The following MGAT4A variants were observed in gnomAD, a reference collection of about 807,000 sequenced individuals.
MGAT4A encodes alpha-1,3-mannosyl-glycoprotein 4-beta-N-acetylglucosaminyltransferase A.
In MGAT4A, 33 loss-of-function variants were observed where a neutral mutation model predicts 74.1. The ratio of observed to expected loss-of-function variants is 0.45; its 90% CI spans 0.34 to 0.60. The LOEUF (loss-of-function observed/expected upper bound fraction) is 0.60. Among genes scored for constraint, MGAT4A ranks in the 20% least tolerant of loss-of-function variants. The probability of loss-of-function intolerance (pLI) is 0.02; values close to 1 mark genes in which losing one functional copy is unlikely to be tolerated. For missense variants in MGAT4A, 479 were observed against 628.3 expected (o/e 0.76, Z 2.54); for synonymous variants, 198 against 210.4 (o/e 0.94, Z 0.51).
intron 6 of MGAT4A, among the ~76,000 whole-genome samples, chr2:98,656,896 G>C (rs1366813079): frequency 6.6e-6 from 1 of 152,106 alleles, no homozygotes; most frequent in Non-Finnish European, 1.5e-5. Context: ...AAGAAGCTTT[G>C]CTTGTGGGTT....
chr2:98,635,884 A>C (rs906291778), intron 13 of MGAT4A, among the ~76,000 whole-genome samples: 11 of 151,464 alleles, frequency 7.3e-5, no homozygotes, highest in African/African-American at 2.7e-4. Flanking sequence ...GCTACTCGGG[A>C]GGCTGAGGCA....
chr2:98,700,726 A>T, intron 2 of MGAT4A, among the ~76,000 whole-genome samples: 1 of 152,018 alleles, frequency 6.6e-6, no homozygotes, highest in Non-Finnish European at 1.5e-5. Context: ...CCCCATCTCT[A>T]CTAAAAGTAC....
At chr2:98,653,292 C>A (rs973003329) in intron 8 of MGAT4A, among the ~76,000 whole-genome samples, 4 of 104,154 alleles carry the variant, frequency 3.8e-5, no homozygotes, top group South Asian at 3.0e-4. Context: ...CCAAAATTAG[C>A]AGAAGGGAGA....
In MGAT4A at chr2:98,624,763, C is replaced by A. The variant is rs1308856190; in HGVS notation, c.*803G>T. On this transcript the variant is annotated 3_prime_UTR_variant, in exon 16 of 16. Coordinates refer to ENST00000393487, the MANE Select transcript of MGAT4A (RefSeq NM_012214.3). ...ATCTGGGTTGAATGCATCACACTTA[C>A]ACATTGAAAATTTATCAGACTGACT... is the stretch of plus-strand genomic sequence containing the variant. The A allele has an allele frequency of 1.2e-5, 12 of 983,960 alleles. No individual in the cohort carries two copies. Among genetic ancestry groups the A allele is most frequent in the Non-Finnish European group, 1.2e-5 (10 of 828,334 alleles). 61.0% of individuals were successfully genotyped at this position (983,960 alleles called of 1,614,324 possible).
intron 2 of MGAT4A, among the ~76,000 whole-genome samples, chr2:98,707,109 G>A (rs1271104512): frequency 2.0e-5 from 3 of 152,086 alleles, no homozygotes; most frequent in Admixed American, 6.5e-5. Context: ...CAGCTGCTTG[G>A]AAGGCTGAGG....
intron 8 of MGAT4A, among the ~76,000 whole-genome samples, chr2:98,649,158 A>C (rs894957386): frequency 1.3e-5 from 2 of 152,236 alleles, no homozygotes; most frequent in Admixed American, 1.3e-4. Context: ...AGGGATTAAA[A>C]ATCACACCAA....
chr2:98,715,317 C>CAAAAAAAAAAAA (rs201860893), intron 2 of MGAT4A, among the ~76,000 whole-genome samples: 2 of 63,256 alleles, frequency 3.2e-5, no homozygotes, highest in African/African-American at 5.4e-5. Flanking sequence ...GACTTCATCT[C>CAAAAAAAAAAAA]AAAAAAAAAA....
At chr2:98,677,513 C>G (rs992071705) in intron 3 of MGAT4A, among the ~76,000 whole-genome samples, 1 of 152,122 alleles carries the variant, frequency 6.6e-6, no homozygotes, top group Non-Finnish European at 1.5e-5. Context: ...AATGCAGTGG[C>G]AGGATCACAG....
chr2:98,653,720 C>G (rs1194119498), intron 8 of MGAT4A, among the ~76,000 whole-genome samples: 1 of 152,176 alleles, frequency 6.6e-6, no homozygotes, highest in Non-Finnish European at 1.5e-5. Flanking sequence ...CAGAGAACTT[C>G]ACTGGAAAAT....
chr2:98,641,499 C>CAAAAAAAAAAAAA (rs1205460540), intron 10 of MGAT4A, among the ~76,000 whole-genome samples: 3 of 75,248 alleles, frequency 4.0e-5, no homozygotes, highest in Non-Finnish European at 7.6e-5. Flanking sequence ...ACTAAAAATA[C>CAAAAAAAAAAAAA]AAAAAAAAAA....
At chr2:98,654,224 T>C (rs1486524285) in intron 8 of MGAT4A, among the ~76,000 whole-genome samples, 1 of 151,970 alleles carries the variant, frequency 6.6e-6, no homozygotes, top group African/African-American at 2.4e-5. Flanking sequence ...AGCAAACAAA[T>C]GAAAGCTTTC....
At chr2:98,695,968 T>G (rs566896003) in intron 2 of MGAT4A, among the ~76,000 whole-genome samples, 1 of 149,180 alleles carries the variant, frequency 6.7e-6, no homozygotes, top group South Asian at 2.2e-4. Context: ...AACCTCCGCC[T>G]CCCAGGCTCA....
chr2:98,688,877 T>A (rs1390486053), intron 2 of MGAT4A, among the ~76,000 whole-genome samples: 1 of 152,222 alleles, frequency 6.6e-6, no homozygotes, highest in East Asian at 1.9e-4. Context: ...ACTAAACTTG[T>A]GGTAATTTAT....
chr2:98,662,812 A>G (rs1248421116), intron 5 of MGAT4A, among the ~76,000 whole-genome samples: 1 of 152,230 alleles, frequency 6.6e-6, no homozygotes, highest in Admixed American at 6.5e-5. Context: ...ACACGTTCTT[A>G]AAGATCTACG....
intron 2 of MGAT4A, among the ~76,000 whole-genome samples, chr2:98,702,596 CA>C (rs948441250): frequency 1.0e-3 from 157 of 152,310 alleles, no homozygotes; most frequent in Non-Finnish European, 1.3e-3. Context: ...GAGACCAGGG[CA>C]AAGTACAGCT....
chr2:98,623,049 A>G lies in MGAT4A; in HGVS notation c.*2517T>C. 1 of 985,628 alleles carries G rather than the reference A, an allele frequency of 1.0e-6. No individual in the cohort carries two copies. Among genetic ancestry groups the G allele is most frequent in the Non-Finnish European group, 1.2e-6 (1 of 830,178 alleles). The allele number at this position is 985,628 out of a possible 1,614,324, so 61.1% of individuals were successfully genotyped here. On this transcript the variant is annotated 3_prime_UTR_variant, in exon 16 of 16. Transcript: ENST00000393487. Reference sequence around the variant, plus strand: ...AATACAAAATGATAAAAAGAGAAAGAGGAGGGCAGGCTGGAATAATTGGTC... The same window carrying G: ...AATACAAAATGATAAAAAGAGAAAGGGGAGGGCAGGCTGGAATAATTGGTC...
intron 2 of MGAT4A, among the ~76,000 whole-genome samples, chr2:98,682,660 T>C (rs747658878): frequency 6.6e-6 from 1 of 152,202 alleles, no homozygotes; most frequent in Non-Finnish European, 1.5e-5. Context: ...TTGGCAATAA[T>C]GGGACAGAGA....
intron 14 of MGAT4A, among the ~76,000 whole-genome samples, chr2:98,634,890 C>G (rs1701294787): frequency 6.6e-6 from 1 of 151,752 alleles, no homozygotes. Flanking sequence ...GGAAGGGGCC[C>G]GAAGCACAGA....
chr2:98,639,217 G>A (rs921828539), intron 12 of MGAT4A, among the ~76,000 whole-genome samples: 2 of 151,952 alleles, frequency 1.3e-5, no homozygotes, highest in Non-Finnish European at 2.9e-5. Flanking sequence ...AACCAAGGAG[G>A]TGGAGGTTGC....
Sources: allele counts gnomAD v4.1 joint callset (sites outside exome capture counted in the v4.1 genomes callset), GRCh38; gene constraint gnomAD v4.1.1; transcripts MANE v1.5; gene names NCBI Gene and HGNC (gene_info 2026-07-23, HGNC 2026-07-21).